The following DYM variants were observed in gnomAD, a reference collection of about 807,000 sequenced individuals.
DYM encodes the protein dymeclin, also known as dyggve-Melchior-Clausen syndrome protein.
In DYM, 78 loss-of-function variants were observed where a neutral mutation model predicts 93.1. The observed-to-expected ratio is 0.84, with a 90% CI of 0.70 to 1.01. DYM has a LOEUF of 1.01. DYM is among the 50% of genes least tolerant of loss of function. DYM has a pLI of 0.00. For synonymous variants in DYM, 321 were observed against 319.7 expected (o/e 1.00, Z -0.04); for missense variants, 789 against 845.0 (o/e 0.93, Z 0.82).
chr18:49,288,779 C>CA lies in DYM; in HGVS notation c.764-2164dup, dbSNP rs764326331. ...TGGGCGACAGAGTAAGACTCTGTCT[C>CA]AAAAAAAAACAAAAAACAAAACAAA... On this transcript the variant is annotated intron_variant, in intron 8 of 17. Transcript: ENST00000675505. Among the ~76,000 whole-genome samples, 321 of 139,574 alleles carry CA rather than the reference C, an allele frequency of 2.3e-3. 3 individuals carry two copies. The highest frequency in any genetic ancestry group is 5.7e-3 in the Admixed American group (79 of 13,944). The allele number at this position is 139,574 out of a possible 152,430, so 91.6% of individuals were successfully genotyped here.
chr18:49,292,592 GAAAAAAAAAAAAAAAAAAA>G lies in DYM; in HGVS notation c.764-5995_764-5977del, dbSNP rs72415237. Reference sequence around the variant, plus strand: ...TTAGTGGAATTGCATTTTCCTGTTGGAAAAAAAAAAAAAAAAAAAAAAAAAAAAAAAAACCCCCACAAAA... The same window carrying G: ...TTAGTGGAATTGCATTTTCCTGTTGGAAAAAAAAAAAAAACCCCCACAAAA... On this transcript the variant is annotated intron_variant, in intron 8 of 17. Coordinates refer to ENST00000675505, the MANE Select transcript of DYM (RefSeq NM_001353214.3). Among the ~76,000 whole-genome samples, 13 of 78,788 alleles carry G rather than the reference GAAAAAAAAAAAAAAAAAAA, an allele frequency of 1.6e-4. 1 individual carries two copies. Among genetic ancestry groups the G allele is most frequent in the Admixed American group, 1.0e-3 (6 of 5,846 alleles). The allele number at this position is 78,788 out of a possible 152,430, so 51.7% of individuals were successfully genotyped here.
At chr18:49,406,744 G>T (rs769621036) in intron 2 of DYM, among the ~76,000 whole-genome samples, 6 of 152,140 alleles carry the variant, frequency 3.9e-5, no homozygotes, top group Non-Finnish European at 7.3e-5. Context: ...ATTGCTGATG[G>T]GAAAGTAAAG....
rs1342147710 is a variant in DYM, at chr18:49,379,716, T to C, written c.236A>G (p.Lys79Arg). The change falls in exon 4 of 18, where the codon AAG becomes AGG. Residue 79 changes from lysine (K) to arginine (R), a missense_variant. Physicochemically the swap from Lys to Arg is conservative, Grantham distance 26. Transcript: ENST00000675505. ...PRTGNLGALI[K>R]VFLSRTKELK... ...TTCTTTGGTTCTAGAAAGGAAGACC[T>C]TAATTAGTGCACCAAGATTTCCTGT... 3.1e-6 allele frequency: 5 copies of C among 1,613,318 alleles called. No homozygotes were observed. Among genetic ancestry groups the C allele is most frequent in the African/African-American group, 1.3e-5 (1 of 74,916 alleles).
At chr18:49,341,446 C>T (rs1024386333) in intron 6 of DYM, among the ~76,000 whole-genome samples, 5 of 125,950 alleles carry the variant, frequency 4.0e-5, no homozygotes, top group South Asian at 2.6e-4. Flanking sequence ...AAGCTGAGAT[C>T]GCACCACTGC....
chr18:49,113,309 T>G (rs937395966), intron 16 of DYM, among the ~76,000 whole-genome samples: 1 of 152,194 alleles, frequency 6.6e-6, no homozygotes, highest in Non-Finnish European at 1.5e-5. Context: ...ATTTCTTAGG[T>G]AACCAGACAA....
chr18:49,398,386 C>T (rs1219830972), intron 2 of DYM, among the ~76,000 whole-genome samples: 1 of 152,142 alleles, frequency 6.6e-6, no homozygotes, highest in African/African-American at 2.4e-5. Context: ...CTGGCCACAG[C>T]TGACTAGTCC....
At position 49,097,499 on chromosome 18, in the gene DYM, C is replaced by G. The variant is rs1006114843; in HGVS notation, c.1928G>C (p.Ser643Thr). Residue 643 changes from serine to threonine, a missense_variant, in exon 17 of 18, where the codon AGC (serine) becomes ACC (threonine). Physicochemically the swap from Ser to Thr is moderately conservative, Grantham distance 58 (BLOSUM62 1). This residue lies in a region of DYM where 114 missense variants were observed against 105.8 expected (regional missense o/e 1.08). Coordinates refer to ENST00000675505, the MANE Select transcript of DYM (RefSeq NM_001353214.3). ...AGCTCCAGCTTGCAGCAACCTTGAG[C>G]TAAAGAAGGAGATCACCTGTAATGT... ...QNIDLVISFFSSRLLQAGAEL... is the reference protein window; with the variant it reads ...QNIDLVISFFTSRLLQAGAEL... 1.2e-6 allele frequency: 2 copies of G among 1,613,918 alleles called. No individual in the cohort carries two copies. The highest frequency in any genetic ancestry group is 1.7e-6 in the Non-Finnish European group (2 of 1,179,896).
chr18:49,154,810 T>C (rs569174328), intron 15 of DYM, among the ~76,000 whole-genome samples: 2 of 152,338 alleles, frequency 1.3e-5, no homozygotes, highest in East Asian at 1.9e-4. Flanking sequence ...CAAAGAAGAA[T>C]ATAAAGTAAA....
At chr18:49,176,437 G>T (rs2089386738) in intron 14 of DYM, among the ~76,000 whole-genome samples, 1 of 151,456 alleles carries the variant, frequency 6.6e-6, no homozygotes, top group African/African-American at 2.4e-5. Flanking sequence ...AAGAAACAGG[G>T]TCTCATTCTG....
chr18:49,242,259 A>G (rs959862442), intron 13 of DYM, among the ~76,000 whole-genome samples: 6 of 152,114 alleles, frequency 3.9e-5, no homozygotes, highest in African/African-American at 1.4e-4. Context: ...TAAAAATACA[A>G]AAAAATTAGC....
intron 17 of DYM, among the ~76,000 whole-genome samples, chr18:49,080,390 G>GC (rs1347959716): frequency 1.0e-5 from 1 of 100,186 alleles, no homozygotes; most frequent in Non-Finnish European, 2.0e-5. Context: ...GAGGGGCTGA[G>GC]CCCCCCACCT....
chr18:49,373,319 C>T (rs935918741), intron 5 of DYM, among the ~76,000 whole-genome samples: 12 of 151,964 alleles, frequency 7.9e-5, no homozygotes, highest in African/African-American at 2.9e-4. Context: ...CAGAGCAGTC[C>T]CCAGGGCTGC....
intron 14 of DYM, among the ~76,000 whole-genome samples, chr18:49,187,200 G>T (rs2090528836): frequency 6.6e-6 from 1 of 152,104 alleles, no homozygotes; most frequent in South Asian, 2.1e-4. Context: ...TTACAGGTGT[G>T]AGCCACTGCG....
chr18:49,240,260 C>T (rs987437351), intron 13 of DYM, among the ~76,000 whole-genome samples: 1 of 152,110 alleles, frequency 6.6e-6, no homozygotes, highest in South Asian at 2.1e-4. Flanking sequence ...AGTGCTGGTT[C>T]TTATACTTTT....
rs561845125 is a variant in DYM at position 49,202,130 on chromosome 18, G to C, written c.1625+7421C>G. On this transcript the variant is annotated intron_variant, in intron 14 of 17. Coordinates refer to ENST00000675505, the MANE Select transcript of DYM (RefSeq NM_001353214.3). ...TCCAGCTCACCACGCACGTTGGGTA[G>C]TCCTATGACAAACTTTTGGCCAAAG... 5.3e-5 allele frequency among the ~76,000 whole-genome samples: 8 copies of C among 152,340 alleles called. No individual in the cohort carries two copies. In the East Asian group the frequency reaches 1.3e-3, roughly 26 times the overall value.
intron 8 of DYM, among the ~76,000 whole-genome samples, chr18:49,301,390 G>A (rs1180358803): frequency 1.3e-5 from 2 of 151,972 alleles, no homozygotes; most frequent in African/African-American, 4.8e-5. Flanking sequence ...GGATGGTGGT[G>A]GGCGCCTACA....
Position 49,118,797 on chromosome 18 carries a change from CAA to C in DYM, c.1856_1857del (p.Phe619Ter). ...AATGAAGGATGAGTTCGAAATTGTT[CAA>C]AGAGATCGCGTTTGTAAAGCAGGGC... ...VYALLYKRDL[F>X]EQFRTHPSFQ... On this transcript the variant is annotated frameshift_variant, in exon 16 of 18. Coordinates refer to ENST00000675505, the MANE Select transcript of DYM (RefSeq NM_001353214.3). LOFTEE classifies it high-confidence loss of function. 6.2e-7 allele frequency: 1 copy of C among 1,614,040 alleles called. No homozygotes were observed. Among genetic ancestry groups the C allele is most frequent in the Non-Finnish European group, 8.5e-7 (1 of 1,179,982 alleles).
chr18:49,097,321 C>A, intron 17 of DYM, 81 bp downstream of exon 17: 1 of 1,272,208 alleles, frequency 7.9e-7, no homozygotes, highest in South Asian at 1.2e-5. Context: ...CAGCATGATT[C>A]TGGATAGGGT....
intron 11 of DYM, among the ~76,000 whole-genome samples, chr18:49,267,615 T>C (rs2094592247): frequency 6.6e-6 from 1 of 152,180 alleles, no homozygotes; most frequent in South Asian, 2.1e-4. Flanking sequence ...AATGTCAGGC[T>C]GTGCATGGTG....
Sources: gnomAD v4.1 joint callset for allele counts (sites outside exome capture counted in the v4.1 genomes callset) on GRCh38, gnomAD v4.1.1 for gene constraint, gnomAD v4.1.1 regional missense constraint, MANE v1.5 for transcripts, NCBI Gene and HGNC (gene_info 2026-07-23, HGNC 2026-07-21) for gene names.